Variants in PLCH1 observed in about 807,000 individuals in gnomAD.
PLCH1 encodes the protein 1-phosphatidylinositol 4,5-bisphosphate phosphodiesterase eta-1.
A neutral mutation model predicts 126.7 loss-of-function variants in PLCH1; 60 were observed. That is an observed-to-expected ratio of 0.47 (90% CI 0.38 to 0.59). The LOEUF (loss-of-function observed/expected upper bound fraction) is 0.59. Ranked by LOEUF, PLCH1 falls within the 20% of genes least tolerant of loss-of-function variation. The probability of loss-of-function intolerance (pLI) is 0.00; values close to 1 mark genes in which losing one functional copy is unlikely to be tolerated. For missense variants in PLCH1, 1,723 were observed against 2,040.0 expected, an observed-to-expected ratio of 0.84 and a Z score of 2.99; for synonymous variants, 719 against 734.9, an observed-to-expected ratio of 0.98 and a Z score of 0.35.
intron 21 of PLCH1, among the ~76,000 whole-genome samples, chr3:155,466,311 A>T (rs1439977263): frequency 6.6e-6 from 1 of 152,206 alleles, no homozygotes; most frequent in Non-Finnish European, 1.5e-5. Context: ...TCTGTATGTC[A>T]GAAGAAAGTA....
At chr3:155,483,453 T>C (rs1290550959) in intron 22 of PLCH1, 8 of 906,272 alleles carry the variant, frequency 8.8e-6, no homozygotes, top group Non-Finnish European at 1.3e-5. Context: ...GTAAGCAAGA[T>C]ACTATAAGCT....
intron 2 of PLCH1, among the ~76,000 whole-genome samples, chr3:155,601,171 G>T (rs1213121582): frequency 6.6e-6 from 1 of 152,120 alleles, no homozygotes; most frequent in Non-Finnish European, 1.5e-5. Flanking sequence ...TAGAGACAGG[G>T]TTTCACCGTG....
chr3:155,549,603 C>T (rs901815802), intron 10 of PLCH1, among the ~76,000 whole-genome samples, 184 bp downstream of exon 10: 1 of 152,090 alleles, frequency 6.6e-6, no homozygotes, highest in Non-Finnish European at 1.5e-5. Context: ...GCTCACTCAA[C>T]AATAAGCTTC....
intron 22 of PLCH1, chr3:155,483,376 A>G (rs1288214079): frequency 6.5e-7 from 1 of 1,543,506 alleles, no homozygotes; most frequent in Non-Finnish European, 8.8e-7. Context: ...TCAGATTTGT[A>G]CTACACAGAA....
intron 1 of PLCH1, among the ~76,000 whole-genome samples, chr3:155,707,915 T>G (rs1232034293): frequency 6.6e-6 from 1 of 152,148 alleles, no homozygotes. Context: ...CTTCCAGATC[T>G]TTTTGCTTTT....
At chr3:155,537,585 C>T (rs908135277) in intron 10 of PLCH1, among the ~76,000 whole-genome samples, 18 of 151,912 alleles carry the variant, frequency 1.2e-4, no homozygotes, top group African/African-American at 4.4e-4. Flanking sequence ...AAAAAGTGGG[C>T]AGGAGCAGCT....
At chr3:155,572,692 AT>A (rs1013893982) in intron 6 of PLCH1, among the ~76,000 whole-genome samples, 27 of 141,864 alleles carry the variant, frequency 1.9e-4, no homozygotes, top group East Asian at 1.2e-3. Flanking sequence ...TTTCCAAGAG[AT>A]TTTTTTTTTC....
At chr3:155,546,477 A>T (rs1725299860) in intron 10 of PLCH1, among the ~76,000 whole-genome samples, 1 of 152,166 alleles carries the variant, frequency 6.6e-6, no homozygotes. Context: ...GGTAATTTAT[A>T]GATTCAATGC....
intron 21 of PLCH1, among the ~76,000 whole-genome samples, chr3:155,454,661 C>A (rs1392256137): frequency 6.6e-6 from 1 of 152,142 alleles, no homozygotes; most frequent in African/African-American, 2.4e-5. Flanking sequence ...GCCAAGAGAC[C>A]CTTTGCTTTT....
At chr3:155,621,341 C>G (rs1736470748) in intron 2 of PLCH1, among the ~76,000 whole-genome samples, 1 of 151,992 alleles carries the variant, frequency 6.6e-6, no homozygotes, top group Non-Finnish European at 1.5e-5. Context: ...TTCCAAAAAC[C>G]AAAATGCCTC....
At chr3:155,468,790 AAG>A (rs1411759541) in intron 21 of PLCH1, among the ~76,000 whole-genome samples, 13 of 152,316 alleles carry the variant, frequency 8.5e-5, no homozygotes, top group African/African-American at 2.9e-4. Context: ...ATTAGAGGTA[AAG>A]AGAGAGCTAG....
intron 6 of PLCH1, among the ~76,000 whole-genome samples, chr3:155,580,192 C>T (rs1730489437): frequency 6.6e-6 from 1 of 152,022 alleles, no homozygotes; most frequent in Non-Finnish European, 1.5e-5. Context: ...TGAAACAAAT[C>T]TTTTATATAG....
At chr3:155,574,053 A>G (rs751608956) in intron 6 of PLCH1, among the ~76,000 whole-genome samples, 4 of 152,102 alleles carry the variant, frequency 2.6e-5, no homozygotes, top group Non-Finnish European at 5.9e-5. Flanking sequence ...AGCTGGGACT[A>G]CAAGCATGCA....
At chr3:155,583,431 G>A (rs1296937772) in intron 6 of PLCH1, 41 bp downstream of exon 6, 3 of 1,454,346 alleles carry the variant, frequency 2.1e-6, no homozygotes, top group Admixed American at 2.3e-5. Flanking sequence ...TCTTTCATGA[G>A]TACTTTTAAG....
intron 1 of PLCH1, among the ~76,000 whole-genome samples, chr3:155,737,651 C>T (rs774511613): frequency 2.6e-5 from 4 of 152,150 alleles, no homozygotes; most frequent in Non-Finnish European, 4.4e-5. Flanking sequence ...ATTTTCAATA[C>T]CTCCTATATC....
intron 2 of PLCH1, among the ~76,000 whole-genome samples, chr3:155,657,305 C>G (rs1196612823): frequency 6.6e-6 from 1 of 152,094 alleles, no homozygotes; most frequent in Non-Finnish European, 1.5e-5. Flanking sequence ...GAGAGATTTT[C>G]CAGACTATAA....
chr3:155,657,461 T>C (rs1741544139), intron 2 of PLCH1, among the ~76,000 whole-genome samples: 1 of 152,126 alleles, frequency 6.6e-6, no homozygotes, highest in Non-Finnish European at 1.5e-5. Context: ...GCTCCGGAGA[T>C]AGATGCGGAC....
chr3:155,506,773 T>C (rs1718827300), intron 12 of PLCH1, among the ~76,000 whole-genome samples: 1 of 141,522 alleles, frequency 7.1e-6, no homozygotes, highest in African/African-American at 2.7e-5. Context: ...TTGGGTTGGT[T>C]CCAAGTCTTT....
rs560415402 is a variant in PLCH1 at position 155,612,746 on chromosome 3, TAAAAATAC to T, written c.80-16376_80-16369del. Among the ~76,000 whole-genome samples, 638 of 151,630 alleles carry T rather than the reference TAAAAATAC, an allele frequency of 4.2e-3. 1 individual carries two copies. The highest frequency in any genetic ancestry group is 7.1e-3 in the Admixed American group (108 of 15,236). ...TAACATGGAGCAAACCCGTCTCTAC[TAAAAATAC>T]AAAATTAGCCGGGCGTGGTGGTGCA... is the stretch of plus-strand genomic sequence containing the variant. On this transcript the variant is annotated intron_variant, in intron 2 of 22. Transcript: ENST00000460012.
Sources: gnomAD v4.1 joint callset for allele counts (sites outside exome capture counted in the v4.1 genomes callset) on GRCh38, gnomAD v4.1.1 for gene constraint, MANE v1.5 for transcripts, NCBI Gene and HGNC (gene_info 2026-07-23, HGNC 2026-07-21) for gene names.